TRIM2: variants seen among roughly 807,000 people sequenced by gnomAD.
TRIM2 encodes the protein tripartite motif-containing protein 2.
Under a neutral mutation model 75.2 loss-of-function variants are expected in TRIM2, and 20 were observed. The ratio of observed to expected loss-of-function variants is 0.27; its 90% CI spans 0.19 to 0.39. The LOEUF is 0.39. TRIM2 is among the 10% of genes least tolerant of loss of function. The pLI, the probability that TRIM2 is intolerant of heterozygous loss-of-function variation, is 1.00. For missense variants in TRIM2, 660 were observed against 990.8 expected, an observed-to-expected ratio of 0.67 and a Z score of 4.48; for synonymous variants, 373 against 388.3, an observed-to-expected ratio of 0.96 and a Z score of 0.46.
At chr4:153,324,240 C>T in intron 10 of TRIM2, 92 bp downstream of exon 10, 1 of 1,082,652 alleles carries the variant, frequency 9.2e-7, no homozygotes, top group East Asian at 2.6e-5. Flanking sequence ...ACATATGGCA[C>T]CAAAGGGAGT....
intron 1 of TRIM2, among the ~76,000 whole-genome samples, chr4:153,215,043 T>C (rs2149725632): frequency 6.6e-6 from 1 of 152,354 alleles, no homozygotes. Context: ...GTTCCCTAAA[T>C]GTACATTTCT....
chr4:153,279,998 C>T (rs1758897113), intron 3 of TRIM2, among the ~76,000 whole-genome samples: 1 of 151,342 alleles, frequency 6.6e-6, no homozygotes, highest in African/African-American at 2.4e-5. Flanking sequence ...TGCTTGAGCC[C>T]AGAAGGTTGA....
upstream of TRIM2, among the ~76,000 whole-genome samples, chr4:153,204,068 G>A (rs1415619480): frequency 5.5e-4 from 84 of 152,144 alleles, no homozygotes; most frequent in Non-Finnish European, 3.2e-4. Context: ...TTGACCTCAT[G>A]AATACCACAT....
chr4:153,217,778 T>C (rs1479578389), intron 1 of TRIM2, among the ~76,000 whole-genome samples: 5 of 152,214 alleles, frequency 3.3e-5, no homozygotes, highest in African/African-American at 1.2e-4. Context: ...ACACTTACCA[T>C]GGCAGGATGT....
chr4:153,297,270 T>C (rs1762965911), intron 6 of TRIM2, among the ~76,000 whole-genome samples: 1 of 152,176 alleles, frequency 6.6e-6, no homozygotes, highest in Non-Finnish European at 1.5e-5. Context: ...ATGTGCGATA[T>C]GGGTGCAGGG....
At chr4:153,274,680 C>T (rs1344694371) in intron 2 of TRIM2, among the ~76,000 whole-genome samples, 1 of 152,146 alleles carries the variant, frequency 6.6e-6, no homozygotes, top group African/African-American at 2.4e-5. Context: ...ACTGTATTGA[C>T]TCAGAAAAGA....
Position 153,339,066 on chromosome 4 carries a change from C to T in TRIM2, c.*4100C>T. Reference sequence around the variant, plus strand: ...AGTCTTGCACTCTCTGACATTGATACTGATATATTCTCGTCATTTGTTCTT... The same window carrying T: ...AGTCTTGCACTCTCTGACATTGATATTGATATATTCTCGTCATTTGTTCTT... On this transcript the variant is annotated 3_prime_UTR_variant, in exon 12 of 12. Coordinates refer to ENST00000338700, the MANE Select transcript of TRIM2 (RefSeq NM_015271.5). 1 of 985,374 alleles carries T rather than the reference C, an allele frequency of 1.0e-6. No individual in the cohort carries two copies. The highest frequency in any genetic ancestry group is 1.2e-6 in the Non-Finnish European group (1 of 829,860). The allele number at this position is 985,374 out of a possible 1,614,324, so 61.0% of individuals were successfully genotyped here. A position where few individuals can be genotyped will look rare whatever the true frequency, so the allele number is the denominator to read the frequency against.
chr4:153,158,612 T>TA (rs996947291), intron 1 of TRIM2, among the ~76,000 whole-genome samples: 20 of 151,256 alleles, frequency 1.3e-4, no homozygotes, highest in South Asian at 6.3e-4. Flanking sequence ...TTTGCACAAT[T>TA]AAAAAAAAAC....
chr4:153,180,607 A>G (rs556086567), intron 1 of TRIM2, among the ~76,000 whole-genome samples: 6 of 152,282 alleles, frequency 3.9e-5, no homozygotes, highest in African/African-American at 1.4e-4. Flanking sequence ...CCTCCCAAGT[A>G]GCTGGGATCA....
intron 3 of TRIM2, among the ~76,000 whole-genome samples, chr4:153,290,295 G>A (rs536604003): frequency 2.6e-4 from 39 of 152,080 alleles, no homozygotes; most frequent in Non-Finnish European, 5.0e-4. Context: ...ATGATATGAG[G>A]CTTATATATT....
upstream of TRIM2, chr4:153,153,049 C>G (rs1452492313): frequency 6.6e-6 from 1 of 152,270 alleles, no homozygotes; most frequent in Non-Finnish European, 1.5e-5. Flanking sequence ...CTTTGTGGCT[C>G]CTTGTGGGGG....
chr4:153,289,625 T>C (rs1579377438), intron 3 of TRIM2, among the ~76,000 whole-genome samples: 1 of 152,250 alleles, frequency 6.6e-6, no homozygotes, highest in Non-Finnish European at 1.5e-5. Flanking sequence ...TCGTTTCTTA[T>C]ACTGCTGGGG....
At position 153,278,797 on chromosome 4, in the gene TRIM2, CAA is replaced by C. The variant is rs5863036; in HGVS notation, c.453+2683_453+2684del. On this transcript the variant is annotated intron_variant, in intron 3 of 11. Coordinates refer to ENST00000338700, the MANE Select transcript of TRIM2 (RefSeq NM_015271.5). ...CAGGTGACAGAGCAAGACTCTATCT[CAA>C]AAAAAAAAAAAAAAATTAAGAAAAA... 2.1e-3 allele frequency among the ~76,000 whole-genome samples: 260 copies of C among 123,018 alleles called. 1 individual carries two copies. Among genetic ancestry groups the C allele is most frequent in the African/African-American group, 7.1e-3 (239 of 33,876 alleles). The allele number at this position is 123,018 out of a possible 152,430, so 80.7% of individuals were successfully genotyped here.
intron 1 of TRIM2, among the ~76,000 whole-genome samples, chr4:153,257,038 G>T (rs1485855746): frequency 6.6e-6 from 1 of 152,220 alleles, no homozygotes; most frequent in Non-Finnish European, 1.5e-5. Context: ...CTCACGCAAA[G>T]CTCTTCTCTA....
At chr4:153,195,380 G>A (rs532877788) in intron 1 of TRIM2, among the ~76,000 whole-genome samples, 1 of 152,292 alleles carries the variant, frequency 6.6e-6, no homozygotes, top group South Asian at 2.1e-4. Context: ...GGGTGTGGTG[G>A]CATGTGCCTG....
At chr4:153,313,709 T>C (rs1211981833) in intron 6 of TRIM2, among the ~76,000 whole-genome samples, 4 of 147,178 alleles carry the variant, frequency 2.7e-5, no homozygotes, top group African/African-American at 1.0e-4. Context: ...CTCAGTTCAC[T>C]GCAACCTCCA....
In TRIM2 at chr4:153,248,947, C is replaced by T. The variant is rs1254313760; in HGVS notation, c.31-21388C>T. ...CCCACCCCCAGCATGGGCGCATCGG[C>T]TTAGAACCCTCCAGGGTTAGCAGGC... On this transcript the variant is annotated intron_variant, in intron 1 of 11. Coordinates refer to ENST00000338700, the MANE Select transcript of TRIM2 (RefSeq NM_015271.5). This position sits in a 1 kb window ranked among gnomAD's most constrained non-coding sequence, Gnocchi z 4.0. Among the ~76,000 whole-genome samples the T allele has an allele frequency of 6.6e-6, 1 of 152,248 alleles. No individual in the cohort carries two copies. The highest frequency in any genetic ancestry group is 1.5e-5 in the Non-Finnish European group (1 of 68,042).
chr4:153,173,382 G>T (rs971067963), intron 1 of TRIM2, among the ~76,000 whole-genome samples: 3 of 152,152 alleles, frequency 2.0e-5, no homozygotes, highest in African/African-American at 7.2e-5. Context: ...TTAAAAAATA[G>T]ACCAGACACA....
chr4:153,335,007 T>C lies in TRIM2; in HGVS notation c.*41T>C, dbSNP rs1229080055. ...TACCCGCTTCCATGGTCTTGCACTATAAACTGGAATGGATTTCTCAATGCG... is the reference window on the plus strand; with the variant it reads ...TACCCGCTTCCATGGTCTTGCACTACAAACTGGAATGGATTTCTCAATGCG... On this transcript the variant is annotated 3_prime_UTR_variant, in exon 12 of 12. Coordinates refer to ENST00000338700, the MANE Select transcript of TRIM2 (RefSeq NM_015271.5). 2.6e-6 allele frequency: 4 copies of C among 1,530,326 alleles called. No individual in the cohort carries two copies. The highest frequency in any genetic ancestry group is 3.5e-6 in the Non-Finnish European group (4 of 1,129,040). The allele number at this position is 1,530,326 out of a possible 1,614,324, so 94.8% of individuals were successfully genotyped here.
Sources: allele counts gnomAD v4.1 joint callset (sites outside exome capture counted in the v4.1 genomes callset), GRCh38; gene constraint gnomAD v4.1.1; non-coding constraint Gnocchi (gnomAD v3.1); transcripts MANE v1.5; gene names NCBI Gene and HGNC (gene_info 2026-07-23, HGNC 2026-07-21).